PRKAR1A: variants seen among roughly 807,000 people sequenced by gnomAD.
The protein encoded by PRKAR1A is protein kinase cAMP-dependent type I regulatory subunit alpha.
PRKAR1A carries 3 observed loss-of-function variants against 52.0 expected under a neutral mutation model. The ratio of observed to expected loss-of-function variants is 0.06; its 90% CI spans 0.03 to 0.15. The LOEUF (loss-of-function observed/expected upper bound fraction) is 0.15, where lower values mean the gene tolerates loss of function less well. PRKAR1A is among the 10% of genes least tolerant of loss of function. The pLI, the probability that PRKAR1A is intolerant of heterozygous loss-of-function variation, is 1.00. For missense variants in PRKAR1A, 240 were observed against 477.4 expected, an observed-to-expected ratio of 0.50 and a Z score of 4.63; for synonymous variants, 188 against 168.4, an observed-to-expected ratio of 1.12 and a Z score of -0.90.
At chr17:68,520,813 T>A (rs2085581365) in intron 2 of PRKAR1A, among the ~76,000 whole-genome samples, 1 of 152,232 alleles carries the variant, frequency 6.6e-6, no homozygotes. Flanking sequence ...TGAAGTAGAA[T>A]GTAGTCCCAA....
At chr17:68,493,205 TG>T in the PRKAR1A span, among the ~76,000 whole-genome samples, 2 of 151,966 alleles carry the variant, frequency 1.3e-5, no homozygotes, top group African/African-American at 4.8e-5. Context: ...ACCCAGGCAA[TG>T]GGTTGATCTG....
At chr17:68,435,221 A>T in the PRKAR1A span, among the ~76,000 whole-genome samples, 1 of 151,646 alleles carries the variant, frequency 6.6e-6, no homozygotes, top group Non-Finnish European at 1.5e-5. Context: ...AAAAAAAAAA[A>T]ATTCAATTGG....
At chr17:68,541,825 AACAG>A (rs370936131) in intron 11 of PRKAR1A, 2 of 827,588 alleles carry the variant, frequency 2.4e-6, no homozygotes, top group African/African-American at 1.7e-5. Flanking sequence ...TAAAGGGGAG[AACAG>A]ACCCAGGCCT....
At chr17:68,478,983 C>A in the PRKAR1A span, among the ~76,000 whole-genome samples, 1 of 152,210 alleles carries the variant, frequency 6.6e-6, no homozygotes, top group Non-Finnish European at 1.5e-5. Flanking sequence ...CCACCTTGGC[C>A]TCCCAAAGTG....
chr17:68,527,656 A>G (rs1007718562), intron 7 of PRKAR1A, 184 bp from the exon 8 acceptor site: 5 of 565,678 alleles, frequency 8.8e-6, no homozygotes, highest in East Asian at 3.0e-5. Flanking sequence ...CAAGAATGTC[A>G]TATCATTCAT....
the PRKAR1A span, among the ~76,000 whole-genome samples, chr17:68,496,040 T>C: frequency 1.6e-4 from 1 of 6,402 alleles, no homozygotes; most frequent in Non-Finnish European, 3.1e-4. Context: ...TCCCCTCCTC[T>C]CCTCTCCTCT....
chr17:68,489,150 G>T, the PRKAR1A span, among the ~76,000 whole-genome samples: 52 of 125,708 alleles, frequency 4.1e-4, no homozygotes, highest in African/African-American at 1.4e-3. Context: ...TAGGATAGAG[G>T]TTGGGTAAAT....
the PRKAR1A span, among the ~76,000 whole-genome samples, chr17:68,437,016 A>ATGTGTGTGTGTGTG: frequency 0.026 from 3,735 of 144,606 alleles, 88 homozygotes; most frequent in African/African-American, 0.043. Context: ...ATATATATAT[A>ATGTGTGTGTGTGTG]TGTGTGTGTG....
rs921499107 is a variant in PRKAR1A at position 68,531,540 on chromosome 17, G to GT, written c.*1097dup. 1 of 1,066,202 alleles carries GT rather than the reference G, an allele frequency of 9.4e-7. No individual in the cohort carries two copies. The highest frequency in any genetic ancestry group is 1.1e-6 in the Non-Finnish European group (1 of 879,620). The allele number at this position is 1,066,202 out of a possible 1,614,324, so 66.0% of individuals were successfully genotyped here. The stretch of plus-strand genomic sequence containing the variant: ...ACTGGGGCATGAGATTTTGGAAGAA[G>GT]TTTTTTACTTTGGTTTAGTCTTTTT... On this transcript the variant is annotated 3_prime_UTR_variant, in exon 11 of 11. Coordinates refer to ENST00000589228, the MANE Select transcript of PRKAR1A (RefSeq NM_002734.5).
the PRKAR1A span, among the ~76,000 whole-genome samples, chr17:68,465,832 C>A: frequency 6.6e-6 from 1 of 151,850 alleles, no homozygotes; most frequent in Non-Finnish European, 1.5e-5. Context: ...AGCAGACTTG[C>A]ATCTTAGAAA....
At chr17:68,446,106 G>A in the PRKAR1A span, among the ~76,000 whole-genome samples, 1 of 152,088 alleles carries the variant, frequency 6.6e-6, no homozygotes, top group Non-Finnish European at 1.5e-5. Context: ...TATTCCCCAA[G>A]GAAGACTATC....
At chr17:68,464,153 T>C in the PRKAR1A span, among the ~76,000 whole-genome samples, 5 of 152,236 alleles carry the variant, frequency 3.3e-5, no homozygotes, top group East Asian at 9.6e-4. Flanking sequence ...ACACTGTAGC[T>C]GCAAAATTAC....
intron 11 of PRKAR1A, among the ~76,000 whole-genome samples, chr17:68,546,450 C>A (rs1600543474): frequency 6.6e-6 from 1 of 152,004 alleles, no homozygotes; most frequent in Non-Finnish European, 1.5e-5. Flanking sequence ...AGACTCCTTT[C>A]CAGAAAGTTT....
In PRKAR1A at chr17:68,541,176, T is replaced by TA; in HGVS notation, c.974-9905dup. The TA allele has an allele frequency of 5.2e-6, 3 of 579,106 alleles. No individual in the cohort carries two copies. The South Asian group carries it at 5.9e-5, about 11-fold the overall frequency. 35.9% of individuals were successfully genotyped at this position (579,106 alleles called of 1,614,324 possible). ...TGGGTCCTTTAAGTCTGGTGGACAC[T>TA]AAACCCATGGTTGGGATACTGTGTG... On this transcript the variant is annotated intron_variant, in intron 11 of 11. Coordinates refer to the PRKAR1A transcript ENST00000585981.
the PRKAR1A span, chr17:68,429,895 A>G: frequency 6.4e-7 from 1 of 1,558,614 alleles, no homozygotes; most frequent in Non-Finnish European, 8.7e-7. Flanking sequence ...AGCCTGGGGC[A>G]AGTTTTCTTT....
the PRKAR1A span, among the ~76,000 whole-genome samples, chr17:68,459,637 GTTGTTTTCAGGCA>G: frequency 1.3e-5 from 2 of 152,152 alleles, no homozygotes; most frequent in Non-Finnish European, 2.9e-5. Flanking sequence ...AAATCATAGA[GTTGTTTTCAGGCA>G]TTGCTGTCCA....
intron 11 of PRKAR1A, chr17:68,539,758 C>G: frequency 1.2e-6 from 1 of 855,826 alleles, no homozygotes; most frequent in Middle Eastern, 2.4e-4. Flanking sequence ...AAGCCGGGCT[C>G]GAAGGAGACA....
In PRKAR1A at chr17:68,524,800, T is replaced by C. The variant is rs1490127656; in HGVS notation, c.503-112T>C. The C allele has an allele frequency of 1.4e-5, 12 of 840,300 alleles. No individual in the cohort carries two copies. The Admixed American group carries it at 2.2e-4, about 15-fold the overall frequency. The allele number at this position is 840,300 out of a possible 1,614,324, so 52.1% of individuals were successfully genotyped here. On this transcript the variant is annotated intron_variant, in intron 5 of 10. Coordinates refer to ENST00000589228, the MANE Select transcript of PRKAR1A (RefSeq NM_002734.5). ...TTTCCCCTGAAAGATTGTGTTAGTT[T>C]GTAACACACTCTCACAGTACCACTG... is the stretch of plus-strand genomic sequence containing the variant.
In PRKAR1A at chr17:68,531,119, T is replaced by G. The variant is rs1432159033; in HGVS notation, c.*670T>G. On this transcript the variant is annotated 3_prime_UTR_variant, in exon 11 of 11. Transcript: ENST00000589228. ...TGTTTCTTCTCCAATTCTGAAATAC[T>G]TTTGAGTATGGCTATCTATACCTGC... The G allele has an allele frequency of 9.4e-7, 1 of 1,067,622 alleles. No individual in the cohort carries two copies. The highest frequency in any genetic ancestry group is 1.1e-6 in the Non-Finnish European group (1 of 880,452). 66.1% of individuals were successfully genotyped at this position (1,067,622 alleles called of 1,614,324 possible).
Sources: allele counts gnomAD v4.1 joint callset (sites outside exome capture counted in the v4.1 genomes callset), GRCh38; gene constraint gnomAD v4.1.1; transcripts MANE v1.5; gene names NCBI Gene and HGNC (gene_info 2026-07-23, HGNC 2026-07-21).